The following IGDCC4 variants were observed in gnomAD, a reference collection of about 807,000 sequenced individuals.
IGDCC4 encodes the protein likely ortholog of mouse neighbor of Punc E11.
A neutral mutation model predicts 116.6 loss-of-function variants in IGDCC4; 72 were observed. The observed-to-expected ratio is 0.62, with a 90% CI of 0.51 to 0.75. The LOEUF is 0.75. IGDCC4 is among the 30% of genes least tolerant of loss of function. The pLI, the probability that IGDCC4 is intolerant of heterozygous loss-of-function variation, is 0.00. For missense variants in IGDCC4, 1,501 were observed against 1,662.4 expected (o/e 0.90, Z 1.69); for synonymous variants, 709 against 719.9 (o/e 0.98, Z 0.24).
Position 65,402,433 on chromosome 15 carries a change from A to G in IGDCC4, c.618T>C (p.Asp206=), listed in dbSNP as rs747085964. 3.1e-5 allele frequency: 49 copies of G among 1,567,020 alleles called. No homozygotes were observed. In the East Asian group the frequency reaches 5.1e-4, roughly 16 times the overall value. Residue 206 remains aspartate (D), a synonymous_variant, in exon 4 of 20, where the codon GAT becomes GAC. Coordinates refer to ENST00000352385, the MANE Select transcript of IGDCC4 (RefSeq NM_020962.3). ...VLQILDVQES[D]AGPYRCVATN... ...TGGCCACGCAGCGGTAGGGGCCTGC[A>G]TCACTCTCCTGAACATCCAGGATCT...
chr15:65,393,307 C>T lies in IGDCC4; in HGVS notation c.1885+54G>A, dbSNP rs79479464. 1.3e-3 allele frequency: 2,035 copies of T among 1,514,828 alleles called. 22 individuals are homozygous for T. The African/African-American group carries it at 0.025, about 18-fold the overall frequency. 93.8% of individuals were successfully genotyped at this position (1,514,828 alleles called of 1,614,324 possible). A position where few individuals can be genotyped will look rare whatever the true frequency, so the allele number is the denominator to read the frequency against. On this transcript the variant is annotated intron_variant, in intron 10 of 19. Coordinates refer to ENST00000352385, the MANE Select transcript of IGDCC4 (RefSeq NM_020962.3). The surrounding 1 kb of genome is among the most constrained non-coding windows in gnomAD (Gnocchi z 4.6). The stretch of plus-strand genomic sequence containing the variant: ...TGGGGCGCTGGGTCCCAAGGACACA[C>T]GCACACCCACACAGTCACACACACA...
intron 5 of IGDCC4, among the ~76,000 whole-genome samples, chr15:65,399,686 G>A (rs2062966083): frequency 6.6e-6 from 1 of 152,154 alleles, no homozygotes; most frequent in Non-Finnish European, 1.5e-5. Context: ...TCAGATAGGT[G>A]CGAAAATGCC....
In IGDCC4 at chr15:65,399,047, A is replaced by T. The variant is rs75157432; in HGVS notation, c.841+1759T>A. Among the ~76,000 whole-genome samples, 1,094 of 152,204 alleles carry T rather than the reference A, an allele frequency of 7.2e-3. 11 individuals are homozygous for T. The highest frequency in any genetic ancestry group is 0.023 in the African/African-American group (976 of 41,536). On this transcript the variant is annotated intron_variant, in intron 5 of 19. Transcript: ENST00000352385. ...GGTGTCAGGATCCTCCGGGACAGCA[A>T]TTCTCAAATCCGTACTGTGCACACG...
chr15:65,399,282 G>A (rs1031404128), intron 5 of IGDCC4, among the ~76,000 whole-genome samples: 21 of 151,804 alleles, frequency 1.4e-4, no homozygotes, highest in Admixed American at 3.9e-4. Flanking sequence ...ACCTGCCTGC[G>A]CAACATCTAG....
Position 65,388,954 on chromosome 15 carries a change from A to G in IGDCC4, c.2561T>C (p.Leu854Pro). Residue 854 changes from leucine to proline, a missense_variant, in exon 15 of 20, where the codon CTG becomes CCG. This residue lies in a region of IGDCC4 where 235 missense variants were observed against 328.0 expected (regional missense o/e 0.72). Coordinates refer to ENST00000352385, the MANE Select transcript of IGDCC4 (RefSeq NM_020962.3). ...GGACGGTGTCAGGGGGCTCAGTCGC[A>G]GGTCGGATGGGGGTGTGGAGGGCCC... ...PDRPSTPPSDLRLSPLTPSTV... is the reference protein window; with the variant it reads ...PDRPSTPPSDPRLSPLTPSTV... 1 of 1,607,376 alleles carries G rather than the reference A, an allele frequency of 6.2e-7. No homozygotes were observed.
chr15:65,382,615 G>T lies in IGDCC4; in HGVS notation c.*1394C>A, dbSNP rs192798722. The T allele has an allele frequency of 2.0e-5, 3 of 152,400 alleles. No homozygotes were observed. In the South Asian group the frequency reaches 6.2e-4, roughly 32 times the overall value. The allele number at this position is 152,400 out of a possible 1,614,324, so 9.4% of individuals were successfully genotyped here. On this transcript the variant is annotated 3_prime_UTR_variant, in exon 20 of 20. Transcript: ENST00000352385. Reference sequence around the variant, plus strand: ...ATAGAAGTCAAGCTTGTCCCTGTGCGGCAGGTGAACAGAAAATGACTTGAG... The same window carrying T: ...ATAGAAGTCAAGCTTGTCCCTGTGCTGCAGGTGAACAGAAAATGACTTGAG...
intron 13 of IGDCC4, 75 bp from the exon 14 acceptor site, chr15:65,389,486 C>T (rs777435197): frequency 1.2e-6 from 2 of 1,601,316 alleles, no homozygotes; most frequent in Admixed American, 1.7e-5. Flanking sequence ...AAATCTACTC[C>T]CCTGCAGTCA....
Position 65,409,476 on chromosome 15 carries a change from T to C in IGDCC4, c.563+702A>G, listed in dbSNP as rs555582883. On this transcript the variant is annotated intron_variant, in intron 3 of 19. Coordinates refer to ENST00000352385, the MANE Select transcript of IGDCC4 (RefSeq NM_020962.3). ...AATCCAGGGGGTGATGACTGAGTCA[T>C]GAGACCAACTCAGAGACCACAGATG... 3.3e-5 allele frequency among the ~76,000 whole-genome samples: 5 copies of C among 152,318 alleles called. No homozygotes were observed. In the East Asian group the frequency reaches 7.7e-4, roughly 24 times the overall value.
chr15:65,390,145 T>G lies in IGDCC4; in HGVS notation c.2408+10A>C. ...CCCTTCTTTACATTAGTAAAGGCAT[T>G]AGTCCCCACCTGGTGTAATAGGTGA... On this transcript the variant is annotated intron_variant, in intron 13 of 19. Coordinates refer to ENST00000352385, the MANE Select transcript of IGDCC4 (RefSeq NM_020962.3). The G allele has an allele frequency of 6.4e-7, 1 of 1,566,284 alleles. No homozygotes were observed. The highest frequency in any genetic ancestry group is 1.2e-5 in the South Asian group (1 of 86,260).
rs781512308 is a variant in IGDCC4, at chr15:65,400,914, C to T, written c.733G>A (p.Val245Ile). 5.0e-6 allele frequency: 8 copies of T among 1,614,180 alleles called. No homozygotes were observed. In the South Asian group the frequency reaches 8.8e-5, roughly 18 times the overall value. ...GTGTTCTCTGGGGCTGCCACAATGACCACGTCCTGCCCCCTGGTGGACGCC... is the reference window on the plus strand; with the variant it reads ...GTGTTCTCTGGGGCTGCCACAATGATCACGTCCTGCCCCCTGGTGGACGCC... ...SLASTRGQDVVIVAAPENTTV... is the reference protein window; with the variant it reads ...SLASTRGQDVIIVAAPENTTV... The change falls in exon 5 of 20, where the codon GTC (valine) becomes ATC (isoleucine). Residue 245 changes from valine to isoleucine, a missense_variant. Val to Ile is a conservative substitution (Grantham distance 29, BLOSUM62 3). Around this residue, in one of 3 missense-constraint regions of IGDCC4, gnomAD observed 898 missense variants for 978.9 expected, o/e 0.92. Coordinates refer to ENST00000352385, the MANE Select transcript of IGDCC4 (RefSeq NM_020962.3).
At chr15:65,409,551 C>G (rs147792127) in intron 3 of IGDCC4, among the ~76,000 whole-genome samples, 236 of 152,304 alleles carry the variant, frequency 1.5e-3, no homozygotes, top group Non-Finnish European at 2.0e-3. Context: ...CTGGACCTAC[C>G]CAGGAAGCCA....
chr15:65,412,612 C>T (rs2063107130), intron 1 of IGDCC4, among the ~76,000 whole-genome samples: 1 of 144,612 alleles, frequency 6.9e-6, no homozygotes, highest in African/African-American at 2.6e-5. Context: ...TCATATTGAT[C>T]ATTATTACCC....
At position 65,396,135 on chromosome 15, in the gene IGDCC4, C is replaced by G. The variant is rs1432985460; in HGVS notation, c.1026G>C (p.Glu342Asp). 1.4e-6 allele frequency: 2 copies of G among 1,469,454 alleles called. No homozygotes were observed. Among genetic ancestry groups the G allele is most frequent in the East Asian group, 5.6e-5 (2 of 35,768 alleles). The allele number at this position is 1,469,454 out of a possible 1,614,324, so 91.0% of individuals were successfully genotyped here. A position where few individuals can be genotyped will look rare whatever the true frequency, so the allele number is the denominator to read the frequency against. ...TGCTCGCCCGCGTCCGCGACAGCGC[C>G]TCGGGCGCCTGAGTGATGGCGGGAG... ...LAAPAITQAP[E>D]ALSRTRASTA... Residue 342 changes from glutamate (E) to aspartate (D), a missense_variant, in exon 7 of 20, where the codon GAG becomes GAC. Coordinates refer to ENST00000352385, the MANE Select transcript of IGDCC4 (RefSeq NM_020962.3).
At chr15:65,396,765 C>T (rs1235643488) in intron 6 of IGDCC4, 69 bp downstream of exon 6, 1 of 1,520,474 alleles carries the variant, frequency 6.6e-7, no homozygotes. Context: ...ACCCACCCGT[C>T]CACCTCCCCC....
rs199606679 is a variant in IGDCC4, at chr15:65,394,398, C to G, written c.1714+13G>C. ...TTCCCATACATGCCTGCAGCCCACC[C>G]ACCCCCACTCACCTTCCTTTCCCAA... On this transcript the variant is annotated intron_variant, in intron 9 of 19. Transcript: ENST00000352385. The G allele has an allele frequency of 1.0e-4, 163 of 1,613,566 alleles. No individual in the cohort carries two copies. Among genetic ancestry groups the G allele is most frequent in the Non-Finnish European group, 1.5e-5 (18 of 1,179,978 alleles).
chr15:65,394,612 G>A (rs987771117), intron 8 of IGDCC4, 64 bp from the exon 9 acceptor site: 46 of 1,489,554 alleles, frequency 3.1e-5, no homozygotes, highest in South Asian at 2.4e-4. Flanking sequence ...GCTCGGGAGC[G>A]GTCAGAGACT....
At chr15:65,406,568 G>A (rs879591624) in intron 3 of IGDCC4, among the ~76,000 whole-genome samples, 8 of 152,120 alleles carry the variant, frequency 5.3e-5, no homozygotes, top group Admixed American at 3.3e-4. Flanking sequence ...CATGTGCCAC[G>A]TTACACCAAG....
intron 1 of IGDCC4, among the ~76,000 whole-genome samples, chr15:65,421,035 G>C (rs563052652): frequency 5.6e-4 from 86 of 152,326 alleles, no homozygotes; most frequent in African/African-American, 1.9e-3. Context: ...CCTCAGTACA[G>C]ATCAGGGTGG....
rs1256202998 is a variant in IGDCC4 at position 65,390,333 on chromosome 15, G to C, written c.2230C>G (p.Pro744Ala). The C allele has an allele frequency of 3.8e-6, 6 of 1,591,480 alleles. No individual in the cohort carries two copies. In the East Asian group the frequency reaches 1.4e-4, roughly 36 times the overall value. Reference protein sequence around the residue: ...KTEKAPAPDMPIQRGPPLPPA... With the variant: ...KTEKAPAPDMAIQRGPPLPPA... ...GGCAGGGGTGGTCCCCTCTGGATAG[G>C]CATGTCTGAAAGGTGAAAACTAGAG... Residue 744 changes from proline to alanine, a missense_variant, in exon 13 of 20, where the codon CCT (proline) becomes GCT (alanine). Pro to Ala is a conservative substitution (Grantham distance 27). This residue lies in a region of IGDCC4 where 235 missense variants were observed against 328.0 expected (regional missense o/e 0.72). Coordinates refer to ENST00000352385, the MANE Select transcript of IGDCC4 (RefSeq NM_020962.3).
Sources: allele counts gnomAD v4.1 joint callset (sites outside exome capture counted in the v4.1 genomes callset), GRCh38; gene constraint gnomAD v4.1.1; regional missense constraint gnomAD v4.1.1; non-coding constraint Gnocchi (gnomAD v3.1); transcripts MANE v1.5; gene names NCBI Gene and HGNC (gene_info 2026-07-23, HGNC 2026-07-21).